TBC1D4: variants seen among roughly 807,000 people sequenced by gnomAD.
The protein encoded by TBC1D4 is TBC1 domain family member 4.
A neutral mutation model predicts 142.5 loss-of-function variants in TBC1D4; 121 were observed. The observed-to-expected ratio is 0.85, with a 90% CI of 0.73 to 0.99. The LOEUF (loss-of-function observed/expected upper bound fraction) is 0.99, where lower values mean the gene tolerates loss of function less well. Ranked by LOEUF, TBC1D4 falls within the 50% of genes least tolerant of loss-of-function variation. TBC1D4 has a pLI of 0.00. For missense variants in TBC1D4, 1,475 were observed against 1,606.6 expected, an observed-to-expected ratio of 0.92 and a Z score of 1.40; for synonymous variants, 630 against 628.2, an observed-to-expected ratio of 1.00 and a Z score of -0.04.
chr13:75,386,332 G>A (rs547502825), intron 1 of TBC1D4, among the ~76,000 whole-genome samples: 3 of 151,580 alleles, frequency 2.0e-5, no homozygotes, highest in South Asian at 2.1e-4. Flanking sequence ...TTATAAAAAT[G>A]CATGTTGTAA....
chr13:75,364,297 C>T (rs1326680478), intron 1 of TBC1D4, among the ~76,000 whole-genome samples: 2 of 152,222 alleles, frequency 1.3e-5, no homozygotes, highest in African/African-American at 2.4e-5. Flanking sequence ...TTTATTGCCA[C>T]ATCCATTTAA....
chr13:75,460,952 G>A (rs1887941906), intron 1 of TBC1D4, among the ~76,000 whole-genome samples: 1 of 151,976 alleles, frequency 6.6e-6, no homozygotes, highest in Non-Finnish European at 1.5e-5. Context: ...AGAGAGATAA[G>A]GAATGAAGTA....
intron 8 of TBC1D4, among the ~76,000 whole-genome samples, chr13:75,336,616 G>T (rs370960898): frequency 1.3e-5 from 2 of 150,420 alleles, no homozygotes; most frequent in African/African-American, 2.5e-5. Context: ...AGTCTGAGGC[G>T]GGAGATCTCC....
chr13:75,393,265 A>G (rs1267965351), intron 1 of TBC1D4, among the ~76,000 whole-genome samples: 1 of 151,860 alleles, frequency 6.6e-6, no homozygotes, highest in African/African-American at 2.4e-5. Context: ...CACTGCTAAC[A>G]CCCTTACATT....
chr13:75,293,921 G>A (rs552046937), intron 18 of TBC1D4, among the ~76,000 whole-genome samples: 4 of 152,062 alleles, frequency 2.6e-5, no homozygotes, highest in South Asian at 4.1e-4. Context: ...CTACAATGGC[G>A]CCAATACAAT....
intron 1 of TBC1D4, among the ~76,000 whole-genome samples, chr13:75,396,389 T>A (rs1884796685): frequency 6.6e-6 from 1 of 152,214 alleles, no homozygotes; most frequent in African/African-American, 2.4e-5. Context: ...GACTATGTTT[T>A]TAAAAGACAA....
intron 15 of TBC1D4, among the ~76,000 whole-genome samples, chr13:75,305,485 T>C (rs911928016): frequency 6.6e-6 from 1 of 152,248 alleles, no homozygotes; most frequent in East Asian, 1.9e-4. Context: ...TAAAAATCTT[T>C]AGGATTTCCA....
chr13:75,393,706 C>T (rs543693468), intron 1 of TBC1D4, among the ~76,000 whole-genome samples: 11 of 152,172 alleles, frequency 7.2e-5, no homozygotes, highest in East Asian at 3.9e-4. Flanking sequence ...CCAAGGTGGG[C>T]GGATCACCTA....
At chr13:75,303,065 C>G (rs1876745629) in intron 15 of TBC1D4, among the ~76,000 whole-genome samples, 1 of 152,124 alleles carries the variant, frequency 6.6e-6, no homozygotes, top group Non-Finnish European at 1.5e-5. Context: ...TGCCTGTAAT[C>G]CCAACACTTT....
rs140611005 is a variant in TBC1D4 at position 75,397,054 on chromosome 13, A to G, written c.499-34447T>C. Among the ~76,000 whole-genome samples, 431 of 152,300 alleles carry G rather than the reference A, an allele frequency of 2.8e-3. 12 individuals carry two copies. In the South Asian group the frequency reaches 0.039, roughly 14 times the overall value. ...ACAGGACAACTGAGGGCCCTAGCTG[A>G]GGAGGATCTAGGAAATGAATGGATT... On this transcript the variant is annotated intron_variant, in intron 1 of 20. Coordinates refer to ENST00000377636, the MANE Select transcript of TBC1D4 (RefSeq NM_014832.5).
At chr13:75,357,739 CAGCCACATTAT>C (rs1441485094) in intron 3 of TBC1D4, among the ~76,000 whole-genome samples, 2 of 152,162 alleles carry the variant, frequency 1.3e-5, no homozygotes, top group Non-Finnish European at 2.9e-5. Flanking sequence ...TTCCTGAAAA[CAGCCACATTAT>C]ATGCGTTCAG....
intron 12 of TBC1D4, 35 bp downstream of exon 12, chr13:75,319,979 T>A: frequency 6.2e-7 from 1 of 1,608,062 alleles, no homozygotes; most frequent in Non-Finnish European, 8.5e-7. Flanking sequence ...ATCTGTGAAT[T>A]TTTTTTAAAT....
intron 1 of TBC1D4, among the ~76,000 whole-genome samples, chr13:75,382,474 T>A (rs1883907156): frequency 1.3e-5 from 2 of 152,218 alleles, no homozygotes; most frequent in Admixed American, 6.5e-5. Flanking sequence ...CTCTTTAAAA[T>A]TGTGTTATTC....
intron 1 of TBC1D4, among the ~76,000 whole-genome samples, chr13:75,407,912 G>T (rs1885418743): frequency 6.6e-6 from 1 of 151,990 alleles, no homozygotes; most frequent in Admixed American, 6.5e-5. Context: ...AACAGAAATG[G>T]GGAACGAGCC....
chr13:75,287,288 A>G (rs1874785362), intron 20 of TBC1D4, among the ~76,000 whole-genome samples: 2 of 152,156 alleles, frequency 1.3e-5, no homozygotes, highest in Non-Finnish European at 2.9e-5. Flanking sequence ...TCCTTATTCT[A>G]CACCCACTGG....
At chr13:75,339,943 GTCCT>G (rs1353779276) in intron 7 of TBC1D4, among the ~76,000 whole-genome samples, 1 of 152,168 alleles carries the variant, frequency 6.6e-6, no homozygotes, top group Non-Finnish European at 1.5e-5. Context: ...CCCTCAAAAT[GTCCT>G]TCCTCTTGAA....
In TBC1D4 at chr13:75,481,312, C is replaced by T. The variant is rs776671864; in HGVS notation, c.456G>A (p.Ser152=). 8.7e-6 allele frequency: 14 copies of T among 1,613,720 alleles called. No homozygotes were observed. The highest frequency in any genetic ancestry group is 1.2e-5 in the Non-Finnish European group (14 of 1,179,794). Residue 152 remains serine, a synonymous_variant, in exon 1 of 21, where the codon TCG becomes TCA. Coordinates refer to ENST00000377636, the MANE Select transcript of TBC1D4 (RefSeq NM_014832.5). ...CGCGGAAAACGTGGCAGGCCATCTG[C>T]GACTCGGGGTCGTCGGGCTGCGCCT... is the stretch of plus-strand genomic sequence containing the variant. ...LIKAQPDDPE[S]QMACHVFRAT...
At chr13:75,287,237 A>G (rs1319433458) in intron 20 of TBC1D4, among the ~76,000 whole-genome samples, 10 of 152,186 alleles carry the variant, frequency 6.6e-5, no homozygotes. Flanking sequence ...GAACACACGA[A>G]TAATTCAATA....
At position 75,285,327 on chromosome 13, in the gene TBC1D4, C is replaced by A. The variant is rs920619483; in HGVS notation, c.*1465G>T. 1.3e-5 allele frequency: 2 copies of A among 152,100 alleles called. No homozygotes were observed. The highest frequency in any genetic ancestry group is 2.9e-5 in the Non-Finnish European group (2 of 68,010). The allele number at this position is 152,100 out of a possible 1,614,324, so 9.4% of individuals were successfully genotyped here. A position where few individuals can be genotyped will look rare whatever the true frequency, so the allele number is the denominator to read the frequency against. On this transcript the variant is annotated 3_prime_UTR_variant, in exon 21 of 21. Coordinates refer to ENST00000377636, the MANE Select transcript of TBC1D4 (RefSeq NM_014832.5). ...TATAATACATTTTCACTGTGTATAA[C>A]AAACTCCCTTTGAAGAAAATTACCC...
Sources: gnomAD v4.1 joint callset for allele counts (sites outside exome capture counted in the v4.1 genomes callset) on GRCh38, gnomAD v4.1.1 for gene constraint, MANE v1.5 for transcripts, NCBI Gene and HGNC (gene_info 2026-07-23, HGNC 2026-07-21) for gene names.